The following CHD2 variants were observed in gnomAD, a reference collection of about 807,000 sequenced individuals.
The protein encoded by CHD2 is chromodomain helicase DNA binding protein 2.
Under a neutral mutation model 243.9 loss-of-function variants are expected in CHD2, and 28 were observed. That is an observed-to-expected ratio of 0.11 (90% confidence interval 0.09 to 0.16). The LOEUF (loss-of-function observed/expected upper bound fraction) is 0.16, where lower values mean the gene tolerates loss of function less well. Among genes scored for constraint, CHD2 ranks in the 10% least tolerant of loss-of-function variants. The pLI is 1.00. For missense variants in CHD2, 1,386 were observed against 2,209.8 expected (o/e 0.63, Z 7.47); for synonymous variants, 775 against 779.0 (o/e 0.99, Z 0.09).
chr15:92,966,310 C>G (rs1013483961), intron 16 of CHD2, among the ~76,000 whole-genome samples: 1 of 151,876 alleles, frequency 6.6e-6, no homozygotes, highest in Non-Finnish European at 1.5e-5. Context: ...GTGATCCGCC[C>G]GCCTCAGCCT....
chr15:92,943,019 C>T lies in CHD2; in HGVS notation c.1003C>T (p.Leu335=). ...CTTACAGCAACAGAAAGTGAAGGGC[C>T]TAAAAAAACTAGAGAACTTCAAGAA... ...ESLQQQKVKG[L]KKLENFKKKE... Residue 335 remains leucine, a synonymous_variant, in exon 9 of 39, where the codon CTA becomes TTA. Transcript: ENST00000394196. 6.2e-7 allele frequency: 1 copy of T among 1,613,602 alleles called. No homozygotes were observed. Among genetic ancestry groups the T allele is most frequent in the Non-Finnish European group, 8.5e-7 (1 of 1,179,848 alleles).
intron 24 of CHD2, 43 bp from the exon 25 acceptor site, chr15:92,984,287 T>G: frequency 6.9e-7 from 1 of 1,448,136 alleles, no homozygotes; most frequent in Non-Finnish European, 9.2e-7. Context: ...TAGATGGTGT[T>G]TAGAAATAGG....
intron 25 of CHD2, 29 bp from the exon 26 acceptor site, chr15:92,985,469 C>A: frequency 6.3e-7 from 1 of 1,586,754 alleles, no homozygotes. Flanking sequence ...GCACTTGTTA[C>A]AGTGTGACTT....
chr15:92,945,993 T>C, intron 11 of CHD2, 45 bp from the exon 12 acceptor site: 1 of 1,521,942 alleles, frequency 6.6e-7, no homozygotes, highest in Non-Finnish European at 8.9e-7. Flanking sequence ...TTTTTCACTT[T>C]TAATTGACAG....
intron 2 of CHD2, among the ~76,000 whole-genome samples, chr15:92,920,084 T>C (rs1316261508): frequency 6.6e-6 from 1 of 152,162 alleles, no homozygotes; most frequent in Non-Finnish European, 1.5e-5. Flanking sequence ...AGTAAACCAG[T>C]GTTAGCAATG....
chr15:92,904,857 A>C, intron 2 of CHD2: 1 of 1,525,606 alleles, frequency 6.6e-7, no homozygotes, highest in East Asian at 2.5e-5. Context: ...AGAGGCGGAT[A>C]CTTTTATTTT....
chr15:92,980,815 C>T lies in CHD2; in HGVS notation c.2877C>T (p.Asn959=), dbSNP rs780541496. The change falls in exon 23 of 39, where the codon AAC becomes AAT. Residue 959 remains asparagine, a splice_region_variant and synonymous_variant. Coordinates refer to ENST00000394196, the MANE Select transcript of CHD2 (RefSeq NM_001271.4). The part of the protein sequence containing the change: ...TILENNSGRS[N]SNPFNKEELT... ...TAACAACTACATTTTACTTCCACAGCTCAAATCCTTTTAATAAAGAAGAGC... is the reference window on the plus strand; with the variant it reads ...TAACAACTACATTTTACTTCCACAGTTCAAATCCTTTTAATAAAGAAGAGC... 33 of 1,610,976 alleles carry T rather than the reference C, an allele frequency of 2.0e-5. No homozygotes were observed. The highest frequency in any genetic ancestry group is 2.7e-5 in the Non-Finnish European group (32 of 1,177,648).
intron 26 of CHD2, among the ~76,000 whole-genome samples, chr15:92,985,897 C>G (rs1277272136): frequency 6.6e-6 from 1 of 152,208 alleles, no homozygotes; most frequent in Non-Finnish European, 1.5e-5. Context: ...CTATTTCTCT[C>G]TTATTCTCTG....
At chr15:93,002,071 G>A in intron 32 of CHD2, 106 bp from the exon 33 acceptor site, 2 of 1,437,602 alleles carry the variant, frequency 1.4e-6, no homozygotes, top group Non-Finnish European at 1.8e-6. Flanking sequence ...AAGCTTCTAA[G>A]TATAGACAGT....
At chr15:92,995,814 C>T (rs2141865536) in intron 28 of CHD2, among the ~76,000 whole-genome samples, 1 of 152,292 alleles carries the variant, frequency 6.6e-6, no homozygotes, top group African/African-American at 2.4e-5. Flanking sequence ...TGCGTATATA[C>T]TTTGCTTCGA....
intron 25 of CHD2, among the ~76,000 whole-genome samples, 186 bp from the exon 26 acceptor site, chr15:92,985,312 A>C (rs2054028423): frequency 1.3e-5 from 2 of 152,226 alleles, no homozygotes; most frequent in Non-Finnish European, 2.9e-5. Context: ...ATGTCTCTGA[A>C]AGTATGACTG....
At chr15:92,917,647 G>A (rs1022633494) in intron 2 of CHD2, among the ~76,000 whole-genome samples, 1 of 152,234 alleles carries the variant, frequency 6.6e-6, no homozygotes, top group Non-Finnish European at 1.5e-5. Context: ...AAGTGACTGA[G>A]AAGGAATAGT....
chr15:93,010,671 G>A (rs2054381439), intron 35 of CHD2, among the ~76,000 whole-genome samples: 2 of 152,164 alleles, frequency 1.3e-5, no homozygotes, highest in South Asian at 2.1e-4. Context: ...TGATCCGCCC[G>A]CCTTGACCTC....
At chr15:92,994,225 T>C (rs2141863503) in intron 28 of CHD2, among the ~76,000 whole-genome samples, 1 of 152,334 alleles carries the variant, frequency 6.6e-6, no homozygotes, top group East Asian at 1.9e-4. Flanking sequence ...CCTTCAACTG[T>C]CTCATTTGCA....
At chr15:92,974,853 A>G (rs1596423217) in intron 19 of CHD2, 26 bp from the exon 20 acceptor site, 2 of 1,608,520 alleles carry the variant, frequency 1.2e-6, no homozygotes, top group Non-Finnish European at 1.7e-6. Flanking sequence ...CCTATCTTAC[A>G]GTTTTCTTGT....
chr15:92,971,062 A>G (rs567172930), intron 17 of CHD2, among the ~76,000 whole-genome samples: 34 of 152,242 alleles, frequency 2.2e-4, no homozygotes, highest in African/African-American at 7.7e-4. Context: ...ATTTTATGGT[A>G]TATTTACATT....
chr15:92,996,904 TG>T, intron 28 of CHD2, 52 bp from the exon 29 acceptor site: 1 of 1,563,678 alleles, frequency 6.4e-7, no homozygotes, highest in Non-Finnish European at 8.6e-7. Context: ...ACATGTTTTC[TG>T]TGGAACTTCT....
chr15:93,007,804 T>G (rs1195397197), intron 34 of CHD2, among the ~76,000 whole-genome samples: 3 of 152,244 alleles, frequency 2.0e-5, no homozygotes, highest in African/African-American at 7.2e-5. Flanking sequence ...TCATTTCTGC[T>G]TTTTACTCTA....
chr15:92,964,395 T>C (rs536105764), intron 16 of CHD2, among the ~76,000 whole-genome samples: 1 of 152,338 alleles, frequency 6.6e-6, no homozygotes, highest in East Asian at 1.9e-4. Flanking sequence ...ACTATAGTCT[T>C]GTGAAGTATT....
Sources: allele counts gnomAD v4.1 joint callset (sites outside exome capture counted in the v4.1 genomes callset), GRCh38; gene constraint gnomAD v4.1.1; transcripts MANE v1.5; gene names NCBI Gene and HGNC (gene_info 2026-07-23, HGNC 2026-07-21).